The following LRRTM3 variants were observed in gnomAD, a reference collection of about 807,000 sequenced individuals.
LRRTM3 encodes leucine rich repeat transmembrane neuronal 3, also known as leucine-rich repeat transmembrane neuronal protein 3.
A neutral mutation model predicts 44.7 loss-of-function variants in LRRTM3; 24 were observed. That is an observed-to-expected ratio of 0.54 (90% confidence interval 0.39 to 0.76). The LOEUF (loss-of-function observed/expected upper bound fraction) is 0.76, where lower values mean the gene tolerates loss of function less well. Among genes scored for constraint, LRRTM3 ranks in the 30% least tolerant of loss-of-function variants. The pLI is 0.00. For synonymous variants in LRRTM3, 277 were observed against 278.7 expected (o/e 0.99, Z 0.06); for missense variants, 587 against 702.2 (o/e 0.84, Z 1.85).
intron 2 of LRRTM3, among the ~76,000 whole-genome samples, chr10:67,031,061 C>T (rs1853697031): frequency 6.6e-6 from 1 of 152,154 alleles, no homozygotes; most frequent in African/African-American, 2.4e-5. Flanking sequence ...CCTCTGAACA[C>T]ACATTTTACC....
Position 67,097,672 on chromosome 10 carries a change from C to T in LRRTM3, c.1622C>T (p.Ser541Phe), listed in dbSNP as rs1379422874. ...SYCGVHHELL[S>F]HKSFETNAQE... ...TGTGGGGTGCATCATGAACTTCTCT[C>T]CCATAAGTCCTTTGAAACGAATGCA... is the stretch of plus-strand genomic sequence containing the variant. Residue 541 changes from serine (S) to phenylalanine (F), a missense_variant, in exon 3 of 3, where the codon TCC (serine) becomes TTC (phenylalanine). Around this residue, in one of 3 missense-constraint regions of LRRTM3, gnomAD observed 315 missense variants for 335.6 expected, o/e 0.94. Coordinates refer to ENST00000361320, the MANE Select transcript of LRRTM3 (RefSeq NM_178011.5). 1.2e-6 allele frequency: 2 copies of T among 1,612,612 alleles called. No individual in the cohort carries two copies. Among genetic ancestry groups the T allele is most frequent in the Admixed American group, 3.3e-5 (2 of 59,838 alleles).
intron 2 of LRRTM3, among the ~76,000 whole-genome samples, chr10:66,998,591 G>C (rs1000643637): frequency 2.0e-5 from 3 of 151,984 alleles, no homozygotes; most frequent in African/African-American, 7.2e-5. Flanking sequence ...CACTTGTAGA[G>C]AGGCAAAAAA....
At chr10:67,032,460 A>C (rs1853789641) in intron 2 of LRRTM3, among the ~76,000 whole-genome samples, 1 of 152,134 alleles carries the variant, frequency 6.6e-6, no homozygotes, top group African/African-American at 2.4e-5. Flanking sequence ...TAAGAGGAGG[A>C]AAAAAAGAAT....
At chr10:67,028,959 A>G (rs1853558787) in intron 2 of LRRTM3, among the ~76,000 whole-genome samples, 1 of 152,170 alleles carries the variant, frequency 6.6e-6, no homozygotes, top group Admixed American at 6.5e-5. Context: ...TAGAAATTAG[A>G]GTGCCTCAAA....
At position 67,073,500 on chromosome 10, in the gene LRRTM3, C is replaced by T. The variant is rs138693473; in HGVS notation, c.1537-24087C>T. Among the ~76,000 whole-genome samples, 306 of 152,004 alleles carry T rather than the reference C, an allele frequency of 2.0e-3. 1 individual carries two copies. Among genetic ancestry groups the T allele is most frequent in the South Asian group, 0.01 (49 of 4,808 alleles). On this transcript the variant is annotated intron_variant, in intron 2 of 2. Transcript: ENST00000361320. Reference sequence around the variant, plus strand: ...GATCATCATCTTCAGTAAAAACTCTCGTTTGTCAACATCCCTCTTAAACAA... The same window carrying T: ...GATCATCATCTTCAGTAAAAACTCTTGTTTGTCAACATCCCTCTTAAACAA...
At chr10:67,015,131 T>A (rs750301435) in intron 2 of LRRTM3, 2 of 152,170 alleles carry the variant, frequency 1.3e-5, no homozygotes, top group East Asian at 3.8e-4. Flanking sequence ...CCATGCTATG[T>A]AGTTAGGGAA....
At chr10:67,036,746 T>A (rs1854088050) in intron 2 of LRRTM3, among the ~76,000 whole-genome samples, 2 of 152,196 alleles carry the variant, frequency 1.3e-5, no homozygotes, top group Admixed American at 1.3e-4. Flanking sequence ...ATAAATATTA[T>A]CTTTTTTCAA....
At chr10:67,041,152 A>C (rs1854367374) in intron 2 of LRRTM3, among the ~76,000 whole-genome samples, 1 of 152,112 alleles carries the variant, frequency 6.6e-6, no homozygotes, top group Admixed American at 6.6e-5. Flanking sequence ...ATTCAGCCAA[A>C]AATGGTTCCT....
At chr10:67,043,192 C>T (rs1224540429) in intron 2 of LRRTM3, among the ~76,000 whole-genome samples, 2 of 147,212 alleles carry the variant, frequency 1.4e-5, no homozygotes, top group African/African-American at 5.0e-5. Context: ...ACTTTTCTCC[C>T]TATAGCTCAC....
intron 2 of LRRTM3, among the ~76,000 whole-genome samples, chr10:67,058,919 A>T (rs1400132697): frequency 6.6e-6 from 1 of 152,184 alleles, no homozygotes; most frequent in African/African-American, 2.4e-5. Context: ...GCAGGCGTCA[A>T]GGACATTGTA....
At chr10:67,078,192 C>T in intron 2 of LRRTM3, among the ~76,000 whole-genome samples, 1 of 152,166 alleles carries the variant, frequency 6.6e-6, no homozygotes, top group South Asian at 2.1e-4. Flanking sequence ...AGGTTCTTTG[C>T]TTGATCTCAG....
At chr10:66,974,401 T>C (rs1849906128) in intron 2 of LRRTM3, among the ~76,000 whole-genome samples, 1 of 152,196 alleles carries the variant, frequency 6.6e-6, no homozygotes, top group African/African-American at 2.4e-5. Context: ...CATTCACCTG[T>C]TGGTGTTGAT....
At chr10:67,079,006 A>G (rs1232109352) in intron 2 of LRRTM3, among the ~76,000 whole-genome samples, 1 of 152,136 alleles carries the variant, frequency 6.6e-6, no homozygotes. Flanking sequence ...TGAAGTTTGG[A>G]TACAATTTCT....
intron 2 of LRRTM3, among the ~76,000 whole-genome samples, chr10:66,969,470 C>G (rs1040903539): frequency 6.6e-6 from 1 of 152,066 alleles, no homozygotes; most frequent in Non-Finnish European, 1.5e-5. Flanking sequence ...TTTTAAGCAG[C>G]TTTATCCATA....
chr10:66,991,486 T>C (rs572083377), intron 2 of LRRTM3, among the ~76,000 whole-genome samples: 4 of 152,340 alleles, frequency 2.6e-5, no homozygotes, highest in African/African-American at 7.2e-5. Flanking sequence ...TAAAAGGGTA[T>C]ATTTAAACAT....
At chr10:66,957,154 TATA>T (rs1848834850) in intron 2 of LRRTM3, among the ~76,000 whole-genome samples, 1 of 152,114 alleles carries the variant, frequency 6.6e-6, no homozygotes, top group South Asian at 2.1e-4. Context: ...AAGTCTTTAG[TATA>T]ATGTTTTCTT....
intron 2 of LRRTM3, among the ~76,000 whole-genome samples, chr10:67,026,494 G>A (rs2133093375): frequency 6.6e-6 from 1 of 152,046 alleles, no homozygotes; most frequent in Admixed American, 6.5e-5. Flanking sequence ...TGTTATATAA[G>A]TAATATGGAA....
chr10:66,933,577 C>T (rs933876575), intron 2 of LRRTM3, among the ~76,000 whole-genome samples: 17 of 152,232 alleles, frequency 1.1e-4, no homozygotes, highest in South Asian at 2.1e-4. Flanking sequence ...AGGATTAGCA[C>T]GCATTCCAGG....
intron 2 of LRRTM3, among the ~76,000 whole-genome samples, chr10:67,067,996 A>G (rs1397800636): frequency 6.6e-6 from 1 of 152,260 alleles, no homozygotes; most frequent in African/African-American, 2.4e-5. Flanking sequence ...GTGTCAAATT[A>G]GTAGGTAATC....
Sources: gnomAD v4.1 joint callset for allele counts (sites outside exome capture counted in the v4.1 genomes callset) on GRCh38, gnomAD v4.1.1 for gene constraint, gnomAD v4.1.1 regional missense constraint, MANE v1.5 for transcripts, NCBI Gene and HGNC (gene_info 2026-07-23, HGNC 2026-07-21) for gene names.